The following PDCD4 variants were observed in gnomAD, a reference collection of about 807,000 sequenced individuals.
PDCD4 encodes the protein programmed cell death protein 4.
Under a neutral mutation model 54.0 loss-of-function variants are expected in PDCD4, and 56 were observed. That is an observed-to-expected ratio of 1.04 (90% CI 0.84 to 1.30). PDCD4 has a LOEUF of 1.30. PDCD4 is among the 50% of genes most tolerant of loss of function. PDCD4 has a pLI of 0.00. For missense variants in PDCD4, 584 were observed against 559.8 expected (o/e 1.04, Z -0.44); for synonymous variants, 186 against 194.8 (o/e 0.95, Z 0.37).
chr10:110,883,153 T>C, intron 4 of PDCD4, 56 bp downstream of exon 4: 1 of 1,168,876 alleles, frequency 8.6e-7, no homozygotes, highest in South Asian at 1.3e-5. Flanking sequence ...TTTTTTGACT[T>C]CATGTTTGTA....
At chr10:110,873,503 C>T (rs148984071) in intron 1 of PDCD4, among the ~76,000 whole-genome samples, 4 of 152,174 alleles carry the variant, frequency 2.6e-5, no homozygotes, top group African/African-American at 7.2e-5. Flanking sequence ...TTGAATACTT[C>T]TGATTGTATA....
At chr10:110,887,623 T>G (rs1845687744) in intron 5 of PDCD4, 42 bp from the exon 6 acceptor site, 1 of 1,398,234 alleles carries the variant, frequency 7.2e-7, no homozygotes, top group Non-Finnish European at 1.0e-6. Context: ...CTATAGGTAG[T>G]GATACACTTT....
chr10:110,895,931 T>C lies in PDCD4; in HGVS notation c.1210-17T>C. The C allele has an allele frequency of 1.9e-6, 3 of 1,546,840 alleles. No individual in the cohort carries two copies. Among genetic ancestry groups the C allele is most frequent in the Non-Finnish European group, 2.6e-6 (3 of 1,148,050 alleles). ...TTATATGGGCTAACAATTCTGCATGTAATTTCATTGTTGTAGGGTTATGAG... is the reference window on the plus strand; with the variant it reads ...TTATATGGGCTAACAATTCTGCATGCAATTTCATTGTTGTAGGGTTATGAG... On this transcript the variant is annotated splice_polypyrimidine_tract_variant and intron_variant, in intron 10 of 11. Coordinates refer to ENST00000280154, the MANE Select transcript of PDCD4 (RefSeq NM_014456.5).
chr10:110,890,748 T>C, intron 8 of PDCD4, 78 bp downstream of exon 8: 1 of 804,198 alleles, frequency 1.2e-6, no homozygotes, highest in Non-Finnish European at 1.9e-6. Context: ...CTAGCTGGTA[T>C]TTTTATGGAC....
chr10:110,892,122 A>C (rs375207112), intron 8 of PDCD4, among the ~76,000 whole-genome samples: 1 of 152,346 alleles, frequency 6.6e-6, no homozygotes, highest in East Asian at 1.9e-4. Context: ...AGCATCAAAA[A>C]TAAAATACTT....
Position 110,898,167 on chromosome 10 carries a change from T to G in PDCD4, c.*79T>G. On this transcript the variant is annotated 3_prime_UTR_variant, in exon 12 of 12. Coordinates refer to ENST00000280154, the MANE Select transcript of PDCD4 (RefSeq NM_014456.5). ...AGAGTTGTTAGCACAAGTTTTTTTTTTTTTTTTTTTTAAGCACTTGTTTTG... is the reference window on the plus strand; with the variant it reads ...AGAGTTGTTAGCACAAGTTTTTTTTGTTTTTTTTTTTAAGCACTTGTTTTG... 1 of 830,526 alleles carries G rather than the reference T, an allele frequency of 1.2e-6. No individual in the cohort carries two copies. The highest frequency in any genetic ancestry group is 1.7e-6 in the Non-Finnish European group (1 of 572,564). 51.4% of individuals were successfully genotyped at this position (830,526 alleles called of 1,614,324 possible).
In PDCD4 at chr10:110,889,551, G is replaced by C. The variant is rs964246467; in HGVS notation, c.796G>C (p.Ala266Pro). Reference protein sequence around the residue: ...RAPQLVGQFIARAVGDGILCN... With the variant: ...RAPQLVGQFIPRAVGDGILCN... Reference sequence around the variant, plus strand: ...TTTACAGTTGGTGGGCCAGTTTATTGCTAGAGCTGTTGGAGATGGAATTTT... The same window carrying C: ...TTTACAGTTGGTGGGCCAGTTTATTCCTAGAGCTGTTGGAGATGGAATTTT... The change falls in exon 7 of 12, where the codon GCT becomes CCT. Residue 266 changes from alanine (A) to proline (P), a missense_variant. Ala to Pro is a conservative substitution (Grantham distance 27). Transcript: ENST00000280154. 4.4e-6 allele frequency: 7 copies of C among 1,594,060 alleles called. No individual in the cohort carries two copies. The highest frequency in any genetic ancestry group is 6.0e-6 in the Non-Finnish European group (7 of 1,166,308).
rs1845510795 is a variant in PDCD4, at chr10:110,876,701, AT to A, written c.43+632del. The A allele has an allele frequency of 3.9e-6, 5 of 1,278,590 alleles. No individual in the cohort carries two copies. In the African/African-American group the frequency reaches 4.6e-5, roughly 12 times the overall value. The allele number at this position is 1,278,590 out of a possible 1,614,324, so 79.2% of individuals were successfully genotyped here. On this transcript the variant is annotated intron_variant, in intron 2 of 11. Transcript: ENST00000280154. ...TTCCCTAATTCTCCATGGTGCTTCA[AT>A]AGCATGTTATTATCATAAAAATGAA...
At chr10:110,876,378 G>A (rs761886723) in intron 2 of PDCD4, among the ~76,000 whole-genome samples, 8 of 152,200 alleles carry the variant, frequency 5.3e-5, no homozygotes, top group African/African-American at 1.9e-4. Context: ...AAACATGATA[G>A]AAAAACTATC....
chr10:110,878,609 GC>G (rs1215159878), intron 2 of PDCD4, among the ~76,000 whole-genome samples: 1 of 151,866 alleles, frequency 6.6e-6, no homozygotes, highest in Admixed American at 6.6e-5. Flanking sequence ...TTACATTCAC[GC>G]CCTTGTTCGT....
chr10:110,882,979 T>G (rs1845614295), intron 3 of PDCD4, 24 bp from the exon 4 acceptor site: 1 of 1,435,870 alleles, frequency 7.0e-7, no homozygotes, highest in Non-Finnish European at 9.8e-7. Context: ...GTGTTTTTTC[T>G]TTCTCAATGC....
chr10:110,878,273 GA>G (rs1845537893), intron 2 of PDCD4, among the ~76,000 whole-genome samples: 1 of 152,196 alleles, frequency 6.6e-6, no homozygotes. Flanking sequence ...ATTATACTGA[GA>G]GAATGTTTAC....
At chr10:110,885,406 A>C (rs145579153) in intron 5 of PDCD4, 40 bp downstream of exon 5, 5 of 875,006 alleles carry the variant, frequency 5.7e-6, no homozygotes, top group Non-Finnish European at 9.2e-6. Context: ...TTAATATAGG[A>C]GAGAAGACAT....
At chr10:110,892,912 T>C (rs796718250) in intron 8 of PDCD4, among the ~76,000 whole-genome samples, 22 of 152,252 alleles carry the variant, frequency 1.4e-4, no homozygotes, top group African/African-American at 5.3e-4. Flanking sequence ...TTAAAAATCA[T>C]TTACACTGTT....
At chr10:110,895,126 G>C (rs919975734) in intron 10 of PDCD4, among the ~76,000 whole-genome samples, 2 of 151,876 alleles carry the variant, frequency 1.3e-5, no homozygotes, top group African/African-American at 2.4e-5. Flanking sequence ...TTGTTAGATG[G>C]GTGTTTTGTG....
chr10:110,890,646 A>G lies in PDCD4; in HGVS notation c.966A>G (p.Gln322=), dbSNP rs369278504. Residue 322 remains glutamine, a synonymous_variant, in exon 8 of 12, where the codon CAA becomes CAG. Transcript: ENST00000280154. ...TGTGGGGCTCTGGAGGTGGGCAGCA[A>G]TCTGTCAATCACCTTGTTAAAGAGG... ...DSVWGSGGGQ[Q]SVNHLVKEID... 1.4e-5 allele frequency: 23 copies of G among 1,609,516 alleles called. No individual in the cohort carries two copies. In the African/African-American group the frequency reaches 1.9e-4, roughly 13 times the overall value.
chr10:110,872,163 G>GCCAGGCA (rs1845419483), intron 1 of PDCD4, 145 bp downstream of exon 1: 1 of 152,196 alleles, frequency 6.6e-6, no homozygotes. Flanking sequence ...TGCGGTGCGG[G>GCCAGGCA]GGTCCGGCTG....
rs1286276842 is a variant in PDCD4 at position 110,885,256 on chromosome 10, A to T, written c.445A>T (p.Asn149Tyr). Residue 149 changes from asparagine (N) to tyrosine (Y), a missense_variant, in exon 5 of 12, where the codon AAC becomes TAC. Coordinates refer to ENST00000280154, the MANE Select transcript of PDCD4 (RefSeq NM_014456.5). ...KDPNYDDDQE[N>Y]CVYETVVLPL... Reference sequence around the variant, plus strand: ...TTACTCCCTTTTCCCCTCAAAGGAGAACTGTGTTTATGAAACTGTAGTTTT... The same window carrying T: ...TTACTCCCTTTTCCCCTCAAAGGAGTACTGTGTTTATGAAACTGTAGTTTT... The T allele has an allele frequency of 6.8e-7, 1 of 1,476,766 alleles. No individual in the cohort carries two copies. The highest frequency in any genetic ancestry group is 1.2e-5 in the South Asian group (1 of 86,038). The allele number at this position is 1,476,766 out of a possible 1,614,324, so 91.5% of individuals were successfully genotyped here.
At chr10:110,885,588 C>T (rs1410420110) in intron 5 of PDCD4, among the ~76,000 whole-genome samples, 3 of 151,576 alleles carry the variant, frequency 2.0e-5, no homozygotes, top group African/African-American at 7.3e-5. Context: ...TGAAAAATGA[C>T]ACAATATTTT....
Sources: gnomAD v4.1 joint callset for allele counts (sites outside exome capture counted in the v4.1 genomes callset) on GRCh38, gnomAD v4.1.1 for gene constraint, MANE v1.5 for transcripts, NCBI Gene and HGNC (gene_info 2026-07-23, HGNC 2026-07-21) for gene names.